FBXL17: variants seen among roughly 807,000 people sequenced by gnomAD.
The protein encoded by FBXL17 is F-box/LRR-repeat protein 17.
A neutral mutation model predicts 66.2 loss-of-function variants in FBXL17; 22 were observed. The observed-to-expected ratio is 0.33, with a 90% confidence interval of 0.24 to 0.47. FBXL17 has a LOEUF of 0.47. Ranked by LOEUF, FBXL17 falls within the 20% of genes least tolerant of loss-of-function variation. The pLI, the probability that FBXL17 is intolerant of heterozygous loss-of-function variation, is 1.00. For synonymous variants in FBXL17, 474 were observed against 400.5 expected (o/e 1.18, Z -2.19); for missense variants, 878 against 948.2 (o/e 0.93, Z 0.97).
rs1477676378 is a variant in FBXL17, at chr5:107,861,747, G to A, written c.2079C>T (p.Thr693=). Residue 693 remains threonine (T), a synonymous_variant, in exon 9 of 9, where the codon ACC becomes ACT. Transcript: ENST00000542267. ...AGGAGGAGGCGGCAGACATGTTGGG[G>A]GTCCAGCCCATCTGATAGGCTCTCT... ...TLERAYQMGW[T]PNMSAASS is the part of the protein sequence containing the mutation. The A allele has an allele frequency of 6.3e-7, 1 of 1,584,192 alleles. No homozygotes were observed. The highest frequency in any genetic ancestry group is 8.6e-7 in the Non-Finnish European group (1 of 1,162,756).
In FBXL17 at chr5:108,287,758, T is replaced by C. The variant is rs117495818; in HGVS notation, c.1506+60641A>G. On this transcript the variant is annotated intron_variant, in intron 4 of 8. Coordinates refer to ENST00000542267, the MANE Select transcript of FBXL17 (RefSeq NM_001163315.3). ...ACTATCATTCAACCCAGCAATCCCA[T>C]TGTTGGGTATATACCCTAAGAAATG... 1.6e-3 allele frequency among the ~76,000 whole-genome samples: 248 copies of C among 152,094 alleles called. 3 individuals carry two copies. In the East Asian group the frequency reaches 0.03, roughly 18 times the overall value.
chr5:108,287,993 C>T (rs1757964822), intron 4 of FBXL17, among the ~76,000 whole-genome samples: 1 of 151,884 alleles, frequency 6.6e-6, no homozygotes, highest in South Asian at 2.1e-4. Context: ...GGCCATTATA[C>T]CAAGTGAACA....
intron 7 of FBXL17, among the ~76,000 whole-genome samples, chr5:108,003,405 C>T (rs962120303): frequency 6.6e-6 from 1 of 152,114 alleles, no homozygotes; most frequent in Non-Finnish European, 1.5e-5. Context: ...ACACAGGTCA[C>T]AGTGGGTTCC....
At chr5:108,201,853 T>TAAAA (rs55995911) in intron 5 of FBXL17, among the ~76,000 whole-genome samples, 1 of 129,478 alleles carries the variant, frequency 7.7e-6, no homozygotes, top group African/African-American at 2.8e-5. Context: ...AATTTGAAAG[T>TAAAA]AAAAAAAAAA....
chr5:108,351,801 TAAAAG>T (rs1475582902), intron 3 of FBXL17, among the ~76,000 whole-genome samples: 2 of 152,046 alleles, frequency 1.3e-5, no homozygotes, highest in East Asian at 1.9e-4. Flanking sequence ...AACGGAGAAA[TAAAAG>T]AAGAGAATCT....
rs1454312877 is a variant in FBXL17, at chr5:107,924,370, GGAGTCTTA to G, written c.1823-43199_1823-43192del. 3.0e-4 allele frequency among the ~76,000 whole-genome samples: 46 copies of G among 152,104 alleles called. 1 individual carries two copies. Among genetic ancestry groups the G allele is most frequent in the Non-Finnish European group, 3.8e-4 (26 of 68,016 alleles). On this transcript the variant is annotated intron_variant, in intron 7 of 8. Transcript: ENST00000542267. Reference sequence around the variant, plus strand: ...CATATACATTTCTAACTGGGTACAAGGAGTCTTATTAGAAAATATTTATTACATGTAAC... The same window carrying G: ...CATATACATTTCTAACTGGGTACAAGTTAGAAAATATTTATTACATGTAAC...
chr5:108,201,752 A>G (rs1009207333), intron 5 of FBXL17, among the ~76,000 whole-genome samples: 3 of 151,848 alleles, frequency 2.0e-5, no homozygotes, highest in Admixed American at 1.3e-4. Context: ...TCCATGTTCA[A>G]TATCACTCTT....
intron 8 of FBXL17, 75 bp from the exon 9 acceptor site, chr5:107,861,935 C>A: frequency 7.3e-7 from 1 of 1,365,780 alleles, no homozygotes; most frequent in Non-Finnish European, 9.6e-7. Context: ...CACTGATGTG[C>A]TGCAGCTGGC....
chr5:107,972,916 G>A (rs765849692), intron 7 of FBXL17, among the ~76,000 whole-genome samples: 2 of 152,100 alleles, frequency 1.3e-5, no homozygotes, highest in Non-Finnish European at 2.9e-5. Context: ...CTAAATCCCA[G>A]TATCATATGA....
intron 6 of FBXL17, among the ~76,000 whole-genome samples, chr5:108,111,277 A>C (rs1462402745): frequency 6.6e-6 from 1 of 152,206 alleles, no homozygotes; most frequent in African/African-American, 2.4e-5. Context: ...AGCAGTTACA[A>C]ATAAAGGTTT....
chr5:107,883,838 C>T (rs1308327978), intron 7 of FBXL17, among the ~76,000 whole-genome samples: 1 of 152,132 alleles, frequency 6.6e-6, no homozygotes, highest in African/African-American at 2.4e-5. Context: ...AATGTGGATA[C>T]ATCAGAAGCC....
At chr5:108,201,324 G>T (rs1461476659) in intron 5 of FBXL17, among the ~76,000 whole-genome samples, 1 of 152,146 alleles carries the variant, frequency 6.6e-6, no homozygotes, top group Non-Finnish European at 1.5e-5. Flanking sequence ...TATGTACTGT[G>T]TTGAAGTATG....
chr5:108,363,641 T>A (rs1748482757), intron 3 of FBXL17, among the ~76,000 whole-genome samples: 3 of 152,104 alleles, frequency 2.0e-5, no homozygotes, highest in African/African-American at 7.2e-5. Context: ...TATTAAATGT[T>A]GCTCCTTCTC....
intron 7 of FBXL17, among the ~76,000 whole-genome samples, chr5:107,949,183 TA>T (rs11380062): frequency 2.6e-4 from 37 of 142,110 alleles, no homozygotes; most frequent in Admixed American, 4.9e-4. Context: ...ATGCACTTCA[TA>T]AAAAAAAAAA....
In FBXL17 at chr5:107,884,904, T is replaced by C. The variant is rs552701949; in HGVS notation, c.1823-3725A>G. 2.0e-5 allele frequency among the ~76,000 whole-genome samples: 3 copies of C among 152,258 alleles called. No individual in the cohort carries two copies. In the East Asian group the frequency reaches 5.8e-4, roughly 29 times the overall value. Reference sequence around the variant, plus strand: ...CCCAATCCATCCTACAGTTGTGTAGTTGCTATAAAATGAAAAGACTTGAAA... The same window carrying C: ...CCCAATCCATCCTACAGTTGTGTAGCTGCTATAAAATGAAAAGACTTGAAA... On this transcript the variant is annotated intron_variant, in intron 7 of 8. Coordinates refer to ENST00000542267, the MANE Select transcript of FBXL17 (RefSeq NM_001163315.3).
intron 7 of FBXL17, among the ~76,000 whole-genome samples, chr5:107,888,629 T>G (rs2112513169): frequency 6.6e-6 from 1 of 152,290 alleles, no homozygotes; most frequent in African/African-American, 2.4e-5. Context: ...TTCTTCTGGG[T>G]TTTTAGCTGC....
At chr5:108,070,924 T>G (rs1176645533) in intron 6 of FBXL17, among the ~76,000 whole-genome samples, 2 of 152,210 alleles carry the variant, frequency 1.3e-5, no homozygotes, top group African/African-American at 2.4e-5. Context: ...AGAGTTTATT[T>G]AAGTTCTACA....
chr5:108,048,727 C>T (rs551902306), intron 6 of FBXL17, among the ~76,000 whole-genome samples: 121 of 152,226 alleles, frequency 7.9e-4, no homozygotes, highest in African/African-American at 2.8e-3. Flanking sequence ...GGCCACCTTG[C>T]TGAAGTAAGG....
At chr5:107,983,983 G>T (rs1258785765) in intron 7 of FBXL17, among the ~76,000 whole-genome samples, 4 of 151,982 alleles carry the variant, frequency 2.6e-5, no homozygotes, top group Non-Finnish European at 5.9e-5. Flanking sequence ...GAAAAAAAAA[G>T]AAAATGGGGT....
Sources: gnomAD v4.1 joint callset for allele counts (sites outside exome capture counted in the v4.1 genomes callset) on GRCh38, gnomAD v4.1.1 for gene constraint, MANE v1.5 for transcripts, NCBI Gene and HGNC (gene_info 2026-07-23, HGNC 2026-07-21) for gene names.